Variants in IL1RAPL2 observed in about 807,000 individuals in gnomAD.
The protein encoded by IL1RAPL2 is interleukin 1 receptor accessory protein like 2, also known as X-linked interleukin-1 receptor accessory protein-like 2.
Under a neutral mutation model 44.1 loss-of-function variants are expected in IL1RAPL2, and 3 were observed. The ratio of observed to expected loss-of-function variants is 0.07; its 90% CI spans 0.03 to 0.18. The LOEUF is 0.18. Among genes scored for constraint, IL1RAPL2 ranks in the 10% least tolerant of loss-of-function variants. The probability of loss-of-function intolerance (pLI) is 1.00; values close to 1 mark genes in which losing one functional copy is unlikely to be tolerated. For synonymous variants in IL1RAPL2, 181 were observed against 178.8 expected, an observed-to-expected ratio of 1.01 and a Z score of -0.10; for missense variants, 391 against 496.4, an observed-to-expected ratio of 0.79 and a Z score of 2.02.
At chrX:105,009,076 G>A (rs181369489) in intron 2 of IL1RAPL2, among the ~76,000 whole-genome samples, 1,918 of 111,266 alleles carry the variant, frequency 0.017, 45 homozygotes, top group African/African-American at 0.059. Context: ...TTAGAATGGC[G>A]AGTATTAAAA....
intron 6 of IL1RAPL2, among the ~76,000 whole-genome samples, chrX:105,607,663 A>T (rs190015): frequency 9.6e-6 from 1 of 103,682 alleles, no homozygotes; most frequent in Non-Finnish European, 2.0e-5. Flanking sequence ...AAAAAAAAAA[A>T]GGAAATAAGG....
chrX:105,052,609 T>C lies in IL1RAPL2; in HGVS notation c.83-142866T>C, dbSNP rs765980205. On this transcript the variant is annotated intron_variant, in intron 2 of 10. Transcript: ENST00000372582. ...AAAGAAGTACTTAAACTACCTTTTT[T>C]TTCTGGTTTGGTATTTTTTCAGAGC... 2.1e-4 allele frequency among the ~76,000 whole-genome samples: 23 copies of C among 111,442 alleles called. No homozygotes were observed. In the East Asian group the frequency reaches 5.1e-3, roughly 25 times the overall value.
intron 1 of IL1RAPL2, among the ~76,000 whole-genome samples, chrX:104,600,548 G>T (rs1251416590): frequency 9.2e-6 from 1 of 109,068 alleles, no homozygotes; most frequent in Non-Finnish European, 1.9e-5. Flanking sequence ...TTAGATTAAG[G>T]GGATACATGT....
chrX:105,406,256 G>A (rs1243885751), intron 5 of IL1RAPL2: 7 of 1,086,266 alleles, frequency 6.4e-6, no homozygotes, highest in South Asian at 1.8e-5. Flanking sequence ...AAGTGTCTGG[G>A]GAAATAAGCA....
rs782652760 is a variant in IL1RAPL2, at chrX:105,219,471, C to T, written c.357-14347C>T. 7 of 1,207,679 alleles carry T rather than the reference C, an allele frequency of 5.8e-6. No homozygotes were observed. The Admixed American group carries it at 1.5e-4, about 26-fold the overall frequency. ...CAAGGAGCTGCAGGAGGATTCTCTC[C>T]AGCTTCTCTGTGGTCTCCATGGAGG... On this transcript the variant is annotated intron_variant, in intron 3 of 10. Transcript: ENST00000372582.
At chrX:104,669,170 G>C (rs1265474679) in intron 2 of IL1RAPL2, among the ~76,000 whole-genome samples, 2 of 111,354 alleles carry the variant, frequency 1.8e-5, no homozygotes, top group Non-Finnish European at 3.8e-5. Context: ...GAATTCAAAT[G>C]ATTCACAATT....
intron 5 of IL1RAPL2, among the ~76,000 whole-genome samples, chrX:105,288,923 C>A (rs2034591620): frequency 9.0e-6 from 1 of 110,616 alleles, no homozygotes; most frequent in Admixed American, 9.7e-5. Context: ...TTTTAGTATG[C>A]TTTTTGGGGT....
intron 2 of IL1RAPL2, among the ~76,000 whole-genome samples, chrX:105,163,637 A>G (rs2147596462): frequency 8.9e-6 from 1 of 112,054 alleles, no homozygotes; most frequent in Admixed American, 9.5e-5. Flanking sequence ...TGATACCACA[A>G]CAAATACATT....
chrX:105,766,803 T>A lies in IL1RAPL2; in HGVS notation c.1364-161T>A, dbSNP rs980899099. ...AAAATAACGATTATAAGCAGTTTTT[T>A]TTTTTTTCAGTTTTAAGGAGGGGAA... On this transcript the variant is annotated intron_variant, in intron 10 of 10. Transcript: ENST00000372582. Among the ~76,000 whole-genome samples the A allele has an allele frequency of 8.1e-5, 9 of 110,556 alleles. No individual in the cohort carries two copies. The South Asian group carries it at 3.5e-3, about 43-fold the overall frequency.
chrX:105,118,845 C>T (rs1363939927), intron 2 of IL1RAPL2, among the ~76,000 whole-genome samples: 1 of 111,958 alleles, frequency 8.9e-6, no homozygotes, highest in Non-Finnish European at 1.9e-5. Flanking sequence ...GGTACACAGC[C>T]CCAATAAAAA....
chrX:105,289,924 A>G (rs2034599868), intron 5 of IL1RAPL2, among the ~76,000 whole-genome samples: 1 of 111,640 alleles, frequency 9.0e-6, no homozygotes, highest in African/African-American at 3.3e-5. Flanking sequence ...GAGAAACAGT[A>G]AGGAAGATTG....
intron 4 of IL1RAPL2, among the ~76,000 whole-genome samples, chrX:105,237,799 C>T (rs1235543938): frequency 9.0e-6 from 1 of 111,484 alleles, no homozygotes; most frequent in Non-Finnish European, 1.9e-5. Context: ...TGCCTGTTGA[C>T]TCTGATGGTG....
intron 1 of IL1RAPL2, among the ~76,000 whole-genome samples, chrX:104,618,800 G>T (rs762716168): frequency 8.2e-4 from 91 of 111,489 alleles, no homozygotes; most frequent in Non-Finnish European, 1.2e-3. Flanking sequence ...GACATGGAGT[G>T]CAGGGGGCCT....
At chrX:105,766,183 ACTTT>A (rs1425410431) in intron 10 of IL1RAPL2, among the ~76,000 whole-genome samples, 1 of 111,213 alleles carries the variant, frequency 9.0e-6, no homozygotes, top group Non-Finnish European at 1.9e-5. Flanking sequence ...TAGGGCAAAT[ACTTT>A]CTTTTCAGTT....
At chrX:105,364,496 T>G in intron 5 of IL1RAPL2, among the ~76,000 whole-genome samples, 1 of 111,181 alleles carries the variant, frequency 9.0e-6, no homozygotes, top group East Asian at 2.8e-4. Context: ...ACACTGAATC[T>G]TTAGATCACT....
chrX:104,859,707 G>A (rs1264657917), intron 2 of IL1RAPL2, among the ~76,000 whole-genome samples: 1 of 111,983 alleles, frequency 8.9e-6, no homozygotes, highest in African/African-American at 3.2e-5. Context: ...TATAAATGTA[G>A]CCACCTTTTC....
chrX:105,420,461 G>C (rs1012404710), intron 5 of IL1RAPL2, among the ~76,000 whole-genome samples: 27 of 111,807 alleles, frequency 2.4e-4, no homozygotes, highest in African/African-American at 8.1e-4. Flanking sequence ...CCCCAATATT[G>C]TGTGTCCAGC....
At chrX:105,505,282 A>C (rs2036423605) in intron 6 of IL1RAPL2, among the ~76,000 whole-genome samples, 1 of 112,161 alleles carries the variant, frequency 8.9e-6, no homozygotes, top group South Asian at 3.6e-4. Flanking sequence ...ACTGAAATTT[A>C]AGACAGACAT....
chrX:104,923,229 C>T (rs1485635024), intron 2 of IL1RAPL2, among the ~76,000 whole-genome samples: 6 of 111,855 alleles, frequency 5.4e-5, no homozygotes, highest in Admixed American at 3.8e-4. Context: ...GTTTGGAAAA[C>T]GTATTTTAGG....
Sources: allele counts gnomAD v4.1 joint callset (sites outside exome capture counted in the v4.1 genomes callset), GRCh38; gene constraint gnomAD v4.1.1; transcripts MANE v1.5; gene names NCBI Gene and HGNC (gene_info 2026-07-23, HGNC 2026-07-21).